FAM98B: variants seen among roughly 807,000 people sequenced by gnomAD.
FAM98B encodes tRNA splicing ligase complex subunit 3B.
FAM98B carries 32 observed loss-of-function variants against 43.9 expected under a neutral mutation model. That is an observed-to-expected ratio of 0.73 (90% CI 0.55 to 0.98). FAM98B has a LOEUF of 0.98. Among genes scored for constraint, FAM98B ranks in the 50% least tolerant of loss-of-function variants. FAM98B has a pLI of 0.00. For missense variants in FAM98B, 514 were observed against 522.9 expected, an observed-to-expected ratio of 0.98 and a Z score of 0.17; for synonymous variants, 190 against 174.0, an observed-to-expected ratio of 1.09 and a Z score of -0.72.
At chr15:38,458,668 T>C (rs1889891971) in intron 1 of FAM98B, 1 of 186,636 alleles carries the variant, frequency 5.4e-6, no homozygotes, top group Non-Finnish European at 1.1e-5. Context: ...CCTCCAGCTT[T>C]CACTCTGTCC....
chr15:38,459,475 G>A, intron 1 of FAM98B: 1 of 344,224 alleles, frequency 2.9e-6, no homozygotes, highest in Admixed American at 3.6e-5. Flanking sequence ...TTGGAGACCA[G>A]GCCTTGCTTG....
At chr15:38,459,556 C>T (rs4077850) in intron 1 of FAM98B, 69,398 of 251,544 alleles carry the variant, frequency 0.28, 10,383 homozygotes, top group East Asian at 0.53. Context: ...TCCACAGGTG[C>T]GGGCTGGTTG....
At chr15:38,462,617 C>T (rs1260462884) in intron 1 of FAM98B, among the ~76,000 whole-genome samples, 1 of 151,980 alleles carries the variant, frequency 6.6e-6, no homozygotes, top group Admixed American at 6.6e-5. Context: ...GTAATTTATA[C>T]CTATTTTAAT....
chr15:38,465,542 A>C, intron 3 of FAM98B, 139 bp downstream of exon 3: 1 of 770,748 alleles, frequency 1.3e-6, no homozygotes, highest in Non-Finnish European at 1.9e-6. Flanking sequence ...AAGCTATCTC[A>C]GAAATGTTTA....
intron 1 of FAM98B, among the ~76,000 whole-genome samples, chr15:38,458,443 C>G (rs139735719): frequency 6.0e-4 from 91 of 152,184 alleles, no homozygotes; most frequent in Non-Finnish European, 1.1e-3. Context: ...CTTGAAAGAC[C>G]AAGAGTCTTT....
chr15:38,471,366 G>A (rs754233914), intron 4 of FAM98B, among the ~76,000 whole-genome samples: 10 of 152,018 alleles, frequency 6.6e-5, no homozygotes, highest in Non-Finnish European at 1.3e-4. Context: ...TTCTTATAGA[G>A]TTAACAAGTT....
At position 38,470,223 on chromosome 15, in the gene FAM98B, G is replaced by T; in HGVS notation, c.353-4G>T. 5.7e-6 allele frequency: 8 copies of T among 1,405,610 alleles called. No individual in the cohort carries two copies. Among genetic ancestry groups the T allele is most frequent in the African/African-American group, 1.5e-5 (1 of 68,060 alleles). The allele number at this position is 1,405,610 out of a possible 1,614,324, so 87.1% of individuals were successfully genotyped here. A position where few individuals can be genotyped will look rare whatever the true frequency, so the allele number is the denominator to read the frequency against. On this transcript the variant is annotated splice_region_variant and splice_polypyrimidine_tract_variant and intron_variant, in intron 3 of 7. Coordinates refer to ENST00000397609, the MANE Select transcript of FAM98B (RefSeq NM_173611.4). Reference sequence around the variant, plus strand: ...TAACATTATTTATTTTCTCTTTATTGTAGTATTTTTAAGTACAGAACTTCA... The same window carrying T: ...TAACATTATTTATTTTCTCTTTATTTTAGTATTTTTAAGTACAGAACTTCA...
intron 4 of FAM98B, 106 bp downstream of exon 4, chr15:38,470,511 TTCA>T: frequency 1.9e-6 from 2 of 1,041,270 alleles, no homozygotes; most frequent in Non-Finnish European, 2.7e-6. Context: ...TACATTTTAT[TTCA>T]AGAGTTTATC....
At position 38,454,149 on chromosome 15, in the gene FAM98B, G is replaced by C. The variant is rs754058264; in HGVS notation, c.-13G>C. 43 of 1,590,400 alleles carry C rather than the reference G, an allele frequency of 2.7e-5. No homozygotes were observed. In the East Asian group the frequency reaches 9.8e-4, roughly 36 times the overall value. ...GCTACTTAGAGCGCCGAACAGCTCT[G>C]GGCCAAAGGACCATGAGAGGGCCGG... is the stretch of plus-strand genomic sequence containing the variant. On this transcript the variant is annotated 5_prime_UTR_variant, in exon 1 of 8. Coordinates refer to ENST00000397609, the MANE Select transcript of FAM98B (RefSeq NM_173611.4).
In FAM98B at chr15:38,484,845, GTGA is replaced by G. The variant is rs538287588; in HGVS notation, c.*190_*192del. On this transcript the variant is annotated 3_prime_UTR_variant, in exon 8 of 8. Coordinates refer to ENST00000397609, the MANE Select transcript of FAM98B (RefSeq NM_173611.4). Reference sequence around the variant, plus strand: ...ATTACCAGTTGATCTCTCAAATGAAGTGATGACTTTTTCCATATTCTGTGTACC... The same window carrying G: ...ATTACCAGTTGATCTCTCAAATGAAGTGACTTTTTCCATATTCTGTGTACC... 6.2e-4 allele frequency: 570 copies of G among 914,558 alleles called. 4 individuals are homozygous for G. The African/African-American group carries it at 9.3e-3, about 15-fold the overall frequency. 56.7% of individuals were successfully genotyped at this position (914,558 alleles called of 1,614,324 possible).
chr15:38,467,578 A>AGG (rs1471359450), intron 3 of FAM98B, among the ~76,000 whole-genome samples: 1 of 152,208 alleles, frequency 6.6e-6, no homozygotes, highest in African/African-American at 2.4e-5. Flanking sequence ...ACAGCCTCTT[A>AGG]GGAGGACACA....
At chr15:38,457,793 G>A (rs968246231) in intron 1 of FAM98B, among the ~76,000 whole-genome samples, 2 of 152,112 alleles carry the variant, frequency 1.3e-5, no homozygotes, top group African/African-American at 4.8e-5. Context: ...AATCTGAGTG[G>A]CCTGTGCCTC....
In FAM98B at chr15:38,484,824, C is replaced by T. The variant is rs1347082816; in HGVS notation, c.*165C>T. On this transcript the variant is annotated 3_prime_UTR_variant, in exon 8 of 8. Transcript: ENST00000397609. ...TATGTAAGAACATTGTTTTTTATTA[C>T]CAGTTGATCTCTCAAATGAAGTGAT... The T allele has an allele frequency of 9.5e-7, 1 of 1,052,138 alleles. No homozygotes were observed. 65.2% of individuals were successfully genotyped at this position (1,052,138 alleles called of 1,614,324 possible). A position where few individuals can be genotyped will look rare whatever the true frequency, so the allele number is the denominator to read the frequency against.
chr15:38,461,474 C>G (rs1889945416), intron 1 of FAM98B, among the ~76,000 whole-genome samples: 1 of 151,876 alleles, frequency 6.6e-6, no homozygotes, highest in Admixed American at 6.6e-5. Flanking sequence ...AATCCTAGTG[C>G]CATTTTCTGA....
chr15:38,484,479 A>C lies in FAM98B; in HGVS notation c.1122A>C (p.Gly374=). ...GGWGGGGGGG[G]GWGGGGGGGR... is the part of the protein sequence containing the mutation. ...GGGGAGGTGGTGGGGGAGGGGGAGG[A>C]GGGTGGGGGGGAGGAGGAGGAGGTG... is the stretch of plus-strand genomic sequence containing the variant. The change falls in exon 8 of 8, where the codon GGA becomes GGC. Residue 374 remains glycine, a synonymous_variant. Transcript: ENST00000397609. 9.8e-6 allele frequency: 2 copies of C among 204,006 alleles called. No homozygotes were observed. The highest frequency in any genetic ancestry group is 1.1e-5 in the Non-Finnish European group (2 of 175,066). 12.6% of individuals were successfully genotyped at this position (204,006 alleles called of 1,614,324 possible).
chr15:38,469,765 G>A (rs1890095368), intron 3 of FAM98B, among the ~76,000 whole-genome samples: 2 of 151,020 alleles, frequency 1.3e-5, no homozygotes, highest in Admixed American at 6.6e-5. Context: ...TTTTTTGCTT[G>A]TAGTGCCCTT....
intron 5 of FAM98B, among the ~76,000 whole-genome samples, chr15:38,473,954 A>G (rs1300488946): frequency 6.6e-6 from 1 of 152,184 alleles, no homozygotes; most frequent in Non-Finnish European, 1.5e-5. Context: ...TACTCTACCA[A>G]CGGGTGGAGT....
At chr15:38,455,068 T>G (rs1254229554) in intron 1 of FAM98B, among the ~76,000 whole-genome samples, 1 of 152,238 alleles carries the variant, frequency 6.6e-6, no homozygotes, top group Non-Finnish European at 1.5e-5. Flanking sequence ...TGAACTCTGC[T>G]TCTCCCTCGT....
rs539006816 is a variant in FAM98B at position 38,481,440 on chromosome 15, C to T, written c.878C>T (p.Thr293Ile). The T allele has an allele frequency of 7.8e-5, 126 of 1,614,202 alleles. 2 individuals carry two copies. The South Asian group carries it at 1.1e-3, about 14-fold the overall frequency. Residue 293 changes from threonine to isoleucine, a missense_variant, in exon 7 of 8, where the codon ACC (threonine) becomes ATC (isoleucine). This residue lies in a region of FAM98B where 469 missense variants were observed against 451.8 expected (regional missense o/e 1.04). Transcript: ENST00000397609. ...AGTAGTGGCACCAGCCGGGAGAAGA[C>T]CGCATGTGCCATTAATAAGGTTGGT... ...RTSSGTSREK[T>I]ACAINKVLMG...
Sources: gnomAD v4.1 joint callset for allele counts (sites outside exome capture counted in the v4.1 genomes callset) on GRCh38, gnomAD v4.1.1 for gene constraint, gnomAD v4.1.1 regional missense constraint, MANE v1.5 for transcripts, NCBI Gene and HGNC (gene_info 2026-07-23, HGNC 2026-07-21) for gene names.